ANKRD36C: variants seen among roughly 807,000 people sequenced by gnomAD.
ANKRD36C encodes the protein ankyrin repeat domain 36C, also known as ankyrin repeat domain-containing protein 36C.
ANKRD36C carries 61 observed loss-of-function variants against 276.4 expected under a neutral mutation model. That is an observed-to-expected ratio of 0.22 (90% CI 0.18 to 0.27). The LOEUF (loss-of-function observed/expected upper bound fraction) is 0.27. Ranked by LOEUF, ANKRD36C falls within the 10% of genes least tolerant of loss-of-function variation. The probability of loss-of-function intolerance (pLI) is 1.00; values close to 1 mark genes in which losing one functional copy is unlikely to be tolerated. For synonymous variants in ANKRD36C, 483 were observed against 680.1 expected (o/e 0.71, Z 4.51); for missense variants, 1,447 against 2,032.3 (o/e 0.71, Z 5.54).
chr2:95,926,740 T>C (rs1677411968), intron 28 of ANKRD36C, among the ~76,000 whole-genome samples: 1 of 151,602 alleles, frequency 6.6e-6, no homozygotes. Context: ...AACTTCTTAT[T>C]TTCCCTCCTT....
At chr2:95,908,613 T>G in intron 42 of ANKRD36C, 39 bp from the exon 48 acceptor site, 1 of 1,562,608 alleles carries the variant, frequency 6.4e-7, no homozygotes. Flanking sequence ...ATTAATAAAG[T>G]ATGTTTCATA....
chr2:95,979,516 C>G (rs1192501180), intron 5 of ANKRD36C, among the ~76,000 whole-genome samples: 1 of 151,908 alleles, frequency 6.6e-6, no homozygotes, highest in Non-Finnish European at 1.5e-5. Context: ...GATGGTGATG[C>G]AAGCAGCTTG....
In ANKRD36C at chr2:95,926,407, G is replaced by C. The variant is rs376304142; in HGVS notation, c.1939+807C>G. 3.3e-5 allele frequency among the ~76,000 whole-genome samples: 5 copies of C among 151,580 alleles called. No homozygotes were observed. In the East Asian group the frequency reaches 9.8e-4, roughly 30 times the overall value. On this transcript the variant is annotated intron_variant, in intron 28 of 66. Transcript: ENST00000456556. ...TTATTTTTCTTTCTAAAATAGTCTG[G>C]CATAAAATATCATGTTATTCTCTAA...
chr2:95,956,684 A>C (rs1678334431), intron 13 of ANKRD36C, 102 bp downstream of exon 13: 1 of 1,020,082 alleles, frequency 9.8e-7, no homozygotes. Context: ...TAAGCATGTA[A>C]TACGGTGTCT....
rs184302165 is a variant in ANKRD36C at position 95,924,923 on chromosome 2, T to G, written c.2041+429A>C. ...TTGATGAAAATAATTACTACATCAG[T>G]GGTCACTTTGTTTCTCATTCTCCAG... On this transcript the variant is annotated intron_variant, in intron 30 of 66. Transcript: ENST00000456556. Among the ~76,000 whole-genome samples, 74 of 151,740 alleles carry G rather than the reference T, an allele frequency of 4.9e-4. No individual in the cohort carries two copies. The East Asian group carries it at 9.6e-3, about 20-fold the overall frequency.
chr2:95,902,682 T>C (rs1676690040), intron 42 of ANKRD36C, among the ~76,000 whole-genome samples: 1 of 150,316 alleles, frequency 6.7e-6, no homozygotes, highest in African/African-American at 2.4e-5. Context: ...AATTTCAATA[T>C]GGGGAAGTGT....
At chr2:95,954,758 C>T (rs1217822491) in intron 13 of ANKRD36C, among the ~76,000 whole-genome samples, 1 of 152,178 alleles carries the variant, frequency 6.6e-6, no homozygotes, top group Non-Finnish European at 1.5e-5. Flanking sequence ...TAAGAACCTT[C>T]ATAGACACTC....
downstream of ANKRD36C, among the ~76,000 whole-genome samples, chr2:95,849,901 T>C (rs1366609783): frequency 6.6e-6 from 1 of 152,200 alleles, no homozygotes; most frequent in African/African-American, 2.4e-5. Flanking sequence ...GCCACTCACC[T>C]CCTGCTGTGC....
At chr2:95,887,313 G>A (rs1376858012) in intron 50 of ANKRD36C, among the ~76,000 whole-genome samples, 1 of 151,294 alleles carries the variant, frequency 6.6e-6, no homozygotes, top group Admixed American at 6.6e-5. Flanking sequence ...ATTATCTCCT[G>A]CACCCAGTAG....
At chr2:95,963,415 A>G (rs1678504753) in intron 6 of ANKRD36C, among the ~76,000 whole-genome samples, 1 of 151,656 alleles carries the variant, frequency 6.6e-6, no homozygotes, top group African/African-American at 2.4e-5. Flanking sequence ...TCTGGTTTGA[A>G]GTATCATGTT....
chr2:95,945,919 A>G (rs1388298530), intron 17 of ANKRD36C, among the ~76,000 whole-genome samples: 6 of 151,758 alleles, frequency 4.0e-5, no homozygotes, highest in Admixed American at 6.6e-5. Context: ...GAAACAAACA[A>G]AAAAAGAGAC....
In ANKRD36C at chr2:95,901,843, G is replaced by A. The variant is rs1358277772; in HGVS notation, c.2654-2507C>T. Among the ~76,000 whole-genome samples the A allele has an allele frequency of 4.5e-4, 63 of 141,320 alleles. 1 individual carries two copies. The highest frequency in any genetic ancestry group is 1.3e-3 in the Admixed American group (18 of 13,950). The allele number at this position is 141,320 out of a possible 152,430, so 92.7% of individuals were successfully genotyped here. ...CATGTATCCACTAGTTTAGGCTTCCGAAAGTTTCTTCATCCACTCTTGGCA... is the reference window on the plus strand; with the variant it reads ...CATGTATCCACTAGTTTAGGCTTCCAAAAGTTTCTTCATCCACTCTTGGCA... On this transcript the variant is annotated intron_variant, in intron 42 of 66. Transcript: ENST00000456556.
At chr2:95,855,459 C>A (rs766400604) in exon 63 of ANKRD36C, 9 of 1,612,350 alleles carry the variant, frequency 5.6e-6, no homozygotes, top group Non-Finnish European at 7.6e-6. Context: ...AGCTTTGTTG[C>A]GAGCATCATC....
chr2:95,876,599 C>T, intron 58 of ANKRD36C, 87 bp from the exon 79 acceptor site: 1 of 687,774 alleles, frequency 1.5e-6, no homozygotes. Context: ...CGCCTGTAAT[C>T]CCAGCACTTT....
At chr2:95,908,951 A>G (rs1412781208) in intron 42 of ANKRD36C, among the ~76,000 whole-genome samples, 100 of 151,266 alleles carry the variant, frequency 6.6e-4, no homozygotes, top group East Asian at 1.4e-3. Context: ...AAATAAAACC[A>G]TGTCAATATC....
rs1678043111 is a variant in ANKRD36C at position 95,946,164 on chromosome 2, A to AAAAAAAC, written c.1363-991_1363-990insGTTTTTT. Among the ~76,000 whole-genome samples, 3 of 149,982 alleles carry AAAAAAAC rather than the reference A, an allele frequency of 2.0e-5. No individual in the cohort carries two copies. In the South Asian group the frequency reaches 6.3e-4, roughly 31 times the overall value. On this transcript the variant is annotated intron_variant, in intron 17 of 66. Transcript: ENST00000456556. The stretch of plus-strand genomic sequence containing the variant: ...GAGAGAGACAGAGAGAGGAAAAAAA[A>AAAAAAAC]AAAAAAAAAAAAAACAATAAAATTC...
At chr2:95,943,533 AAATT>A (rs954204103) in intron 19 of ANKRD36C, among the ~76,000 whole-genome samples, 22 of 150,058 alleles carry the variant, frequency 1.5e-4, no homozygotes, top group Admixed American at 1.4e-3. Flanking sequence ...ATTTATGTAT[AAATT>A]AATTTTTATT....
At chr2:95,951,487 T>A (rs1306619200) in intron 14 of ANKRD36C, 79 bp from the exon 15 acceptor site, 5 of 1,083,954 alleles carry the variant, frequency 4.6e-6, no homozygotes, top group Non-Finnish European at 6.6e-6. Context: ...TACTACGTGA[T>A]CTAACAGGAA....
intron 38 of ANKRD36C, among the ~76,000 whole-genome samples, chr2:95,915,117 C>G (rs1456655783): frequency 6.6e-6 from 1 of 151,500 alleles, no homozygotes; most frequent in African/African-American, 2.4e-5. Flanking sequence ...CACTCTAGGA[C>G]TTAATTAGAA....
Sources: allele counts gnomAD v4.1 joint callset (sites outside exome capture counted in the v4.1 genomes callset), GRCh38; gene constraint gnomAD v4.1.1; transcripts MANE v1.5; gene names NCBI Gene and HGNC (gene_info 2026-07-23, HGNC 2026-07-21).